Variants in SFMBT1 observed in about 807,000 individuals in gnomAD.
The protein encoded by SFMBT1 is scm-like with four MBT domains protein 1.
Under a neutral mutation model 108.7 loss-of-function variants are expected in SFMBT1, and 32 were observed. The observed-to-expected ratio is 0.29, with a 90% CI of 0.22 to 0.40. SFMBT1 has a LOEUF of 0.40. SFMBT1 is among the 10% of genes least tolerant of loss of function. SFMBT1 has a pLI of 1.00. For synonymous variants in SFMBT1, 348 were observed against 369.5 expected, an observed-to-expected ratio of 0.94 and a Z score of 0.67; for missense variants, 816 against 1,059.6, an observed-to-expected ratio of 0.77 and a Z score of 3.19.
chr3:52,915,584 G>C (rs1172679506), intron 14 of SFMBT1, among the ~76,000 whole-genome samples: 1 of 152,176 alleles, frequency 6.6e-6, no homozygotes, highest in African/African-American at 2.4e-5. Context: ...ACACAGCCAG[G>C]ATGCTAAACA....
chr3:52,932,089 G>C lies in SFMBT1; in HGVS notation c.673C>G (p.Gln225Glu). 3.1e-6 allele frequency: 5 copies of C among 1,614,048 alleles called. No homozygotes were observed. The highest frequency in any genetic ancestry group is 1.7e-4 in the Middle Eastern group (1 of 6,060). ...GAAGGGGGCTGAAGCTCATATCCCT[G>C]TTGAGCAGCCCAACCAACGTGATGA... ...FLHHVGWAAQ[Q>E]GYELQPPSAI... Residue 225 changes from glutamine to glutamate, a missense_variant, in exon 6 of 21, where the codon CAG becomes GAG. By Grantham distance (29) the Gln-to-Glu change is conservative (BLOSUM62 2). Transcript: ENST00000394752.
At chr3:53,030,066 G>A (rs1699630272) in intron 1 of SFMBT1, among the ~76,000 whole-genome samples, 1 of 151,834 alleles carries the variant, frequency 6.6e-6, no homozygotes. Context: ...ATTAGTCTAT[G>A]GTACTGTTTG....
At chr3:52,975,399 T>C (rs1274649727) in intron 1 of SFMBT1, among the ~76,000 whole-genome samples, 11 of 151,898 alleles carry the variant, frequency 7.2e-5, no homozygotes. Context: ...AATTTTAGAA[T>C]GCACCTAAGC....
intron 1 of SFMBT1, among the ~76,000 whole-genome samples, chr3:53,007,354 A>G (rs1194722026): frequency 6.6e-6 from 1 of 152,224 alleles, no homozygotes; most frequent in Non-Finnish European, 1.5e-5. Flanking sequence ...ACTCTAAGTG[A>G]TATATTAGAC....
At chr3:53,017,899 C>G (rs1375006855) in intron 1 of SFMBT1, among the ~76,000 whole-genome samples, 1 of 152,140 alleles carries the variant, frequency 6.6e-6, no homozygotes, top group Non-Finnish European at 1.5e-5. Flanking sequence ...TTAATACGAA[C>G]TGGAAGTCTA....
intron 1 of SFMBT1, among the ~76,000 whole-genome samples, chr3:53,013,871 C>G (rs1357286872): frequency 2.6e-5 from 4 of 151,902 alleles, no homozygotes; most frequent in South Asian, 2.1e-4. Flanking sequence ...CCAGGTAATC[C>G]GCCCATCTCA....
intron 4 of SFMBT1, among the ~76,000 whole-genome samples, chr3:52,938,007 T>C (rs1703068849): frequency 6.6e-6 from 1 of 152,242 alleles, no homozygotes; most frequent in Non-Finnish European, 1.5e-5. Flanking sequence ...TAACATATCC[T>C]GAGCCCACTC....
intron 1 of SFMBT1, among the ~76,000 whole-genome samples, chr3:53,007,250 A>G (rs764164503): frequency 1.3e-5 from 2 of 152,254 alleles, no homozygotes; most frequent in African/African-American, 2.4e-5. Context: ...TTTCTAAACA[A>G]GACCTCTTTT....
intron 20 of SFMBT1, among the ~76,000 whole-genome samples, chr3:52,905,740 C>T (rs569531468): frequency 6.6e-6 from 1 of 152,330 alleles, no homozygotes; most frequent in Non-Finnish European, 1.5e-5. Flanking sequence ...AGGCCACTGA[C>T]TGTGTTTCAG....
intron 17 of SFMBT1, 39 bp from the exon 18 acceptor site, chr3:52,907,772 T>C: frequency 1.3e-6 from 2 of 1,553,408 alleles, no homozygotes; most frequent in Non-Finnish European, 1.7e-6. Context: ...GTAGCTTCAT[T>C]ATTTTTGTGT....
chr3:52,948,112 A>C (rs1310288425), intron 3 of SFMBT1, among the ~76,000 whole-genome samples: 1 of 152,214 alleles, frequency 6.6e-6, no homozygotes, highest in Admixed American at 6.5e-5. Flanking sequence ...ATTATCTAGG[A>C]GCTATCATAT....
intron 1 of SFMBT1, among the ~76,000 whole-genome samples, chr3:53,030,774 T>C (rs1253323888): frequency 6.6e-6 from 1 of 151,674 alleles, no homozygotes; most frequent in Non-Finnish European, 1.5e-5. Flanking sequence ...ACAAATACAT[T>C]AGCAAGTCTG....
At chr3:52,969,972 G>A (rs1344638148) in intron 1 of SFMBT1, among the ~76,000 whole-genome samples, 1 of 151,968 alleles carries the variant, frequency 6.6e-6, no homozygotes, top group Non-Finnish European at 1.5e-5. Flanking sequence ...GTATGGTGGC[G>A]CACGCCTGTA....
chr3:53,013,787 C>A (rs1368775644), intron 1 of SFMBT1, among the ~76,000 whole-genome samples: 2 of 151,586 alleles, frequency 1.3e-5, no homozygotes, highest in Admixed American at 1.3e-4. Context: ...CACCACCACA[C>A]CCAGCTAATT....
chr3:52,968,170 G>A (rs1704213033), intron 2 of SFMBT1, among the ~76,000 whole-genome samples: 1 of 152,150 alleles, frequency 6.6e-6, no homozygotes, highest in African/African-American at 2.4e-5. Flanking sequence ...CATTATTAAA[G>A]CCCATCTCAA....
At chr3:53,002,143 G>A (rs1239579035) in intron 1 of SFMBT1, among the ~76,000 whole-genome samples, 1 of 149,836 alleles carries the variant, frequency 6.7e-6, no homozygotes, top group Non-Finnish European at 1.5e-5. Flanking sequence ...GCTCACGCCT[G>A]TAATCCCAGC....
chr3:52,953,706 A>C (rs948820094), intron 3 of SFMBT1, among the ~76,000 whole-genome samples: 1 of 152,222 alleles, frequency 6.6e-6, no homozygotes. Flanking sequence ...AAATGTAACA[A>C]AGTACAATAA....
At chr3:52,945,413 G>C (rs968838984) in intron 3 of SFMBT1, among the ~76,000 whole-genome samples, 1 of 151,798 alleles carries the variant, frequency 6.6e-6, no homozygotes, top group Non-Finnish European at 1.5e-5. Flanking sequence ...ATAAATTAGG[G>C]GAGAGGGGAC....
intron 17 of SFMBT1, among the ~76,000 whole-genome samples, chr3:52,909,163 A>G (rs1702154132): frequency 6.6e-6 from 1 of 152,272 alleles, no homozygotes; most frequent in African/African-American, 2.4e-5. Context: ...GGGAAAAATT[A>G]TAACTGTCCT....
Sources: gnomAD v4.1 joint callset for allele counts (sites outside exome capture counted in the v4.1 genomes callset) on GRCh38, gnomAD v4.1.1 for gene constraint, MANE v1.5 for transcripts, NCBI Gene and HGNC (gene_info 2026-07-23, HGNC 2026-07-21) for gene names.